CYREN: variants seen among roughly 807,000 people sequenced by gnomAD.
The protein encoded by CYREN is cell cycle regulator of NHEJ.
Under a neutral mutation model 9.7 loss-of-function variants are expected in CYREN, and 7 were observed. The ratio of observed to expected loss-of-function variants is 0.72; its 90% CI spans 0.41 to 1.36. CYREN has a LOEUF of 1.36. CYREN is among the 40% of genes most tolerant of loss of function. CYREN has a pLI of 0.01. For synonymous variants in CYREN, 76 were observed against 77.9 expected (o/e 0.98, Z 0.13); for missense variants, 215 against 198.1 (o/e 1.09, Z -0.51).
chr7:135,122,186 C>G (rs1254462271), intron 2 of CYREN, among the ~76,000 whole-genome samples: 1 of 152,234 alleles, frequency 6.6e-6, no homozygotes, highest in African/African-American at 2.4e-5. Context: ...CCAGGCTGTG[C>G]TTTTCCTCTG....
At chr7:135,097,798 G>C (rs750697512) in intron 2 of CYREN, among the ~76,000 whole-genome samples, 1 of 152,068 alleles carries the variant, frequency 6.6e-6, no homozygotes, top group Non-Finnish European at 1.5e-5. Context: ...TGACAAAGAC[G>C]TGTATGGTAA....
upstream of CYREN, among the ~76,000 whole-genome samples, chr7:135,171,326 TA>T (rs5887722): frequency 0.02 from 3,025 of 149,130 alleles, 103 homozygotes; most frequent in African/African-American, 0.069. Context: ...TTTTTTTTTT[TA>T]AAAAAAAAAG....
chr7:135,162,420 G>T (rs1364635136), downstream of CYREN, among the ~76,000 whole-genome samples: 1 of 152,194 alleles, frequency 6.6e-6, no homozygotes, highest in Non-Finnish European at 1.5e-5. Flanking sequence ...GAATGCTGTT[G>T]TATTAGTCCA....
chr7:135,167,516 C>G, intron 3 of CYREN: 4 of 1,416,270 alleles, frequency 2.8e-6, no homozygotes, highest in Non-Finnish European at 3.7e-6. Context: ...CACACGCATG[C>G]CCTCCCAGGC....
chr7:135,130,282 G>A (rs1162970770), intron 2 of CYREN, among the ~76,000 whole-genome samples: 1 of 152,146 alleles, frequency 6.6e-6, no homozygotes, highest in African/African-American at 2.4e-5. Context: ...TTTCAGAATG[G>A]AAATTTATAA....
upstream of CYREN, chr7:135,170,780 T>C (rs935063614): frequency 6.6e-6 from 1 of 152,144 alleles, no homozygotes; most frequent in African/African-American, 2.4e-5. Context: ...CTTCCGGTCT[T>C]GGGGAACTCC....
At chr7:135,155,399 CTT>C (rs1391379726) in intron 2 of CYREN, among the ~76,000 whole-genome samples, 7 of 152,200 alleles carry the variant, frequency 4.6e-5, no homozygotes, top group South Asian at 2.1e-4. Flanking sequence ...TTTATAGACT[CTT>C]TGTCTTTGCC....
intron 2 of CYREN, among the ~76,000 whole-genome samples, chr7:135,142,885 T>G (rs1829479293): frequency 6.6e-6 from 1 of 152,192 alleles, no homozygotes; most frequent in South Asian, 2.1e-4. Flanking sequence ...TGTCAAGATG[T>G]CAGTTCTTTC....
intron 2 of CYREN, among the ~76,000 whole-genome samples, chr7:135,095,325 A>G (rs1822502475): frequency 6.6e-6 from 1 of 152,200 alleles, no homozygotes; most frequent in Non-Finnish European, 1.5e-5. Flanking sequence ...ACTCCAGTAT[A>G]ATAACAGTGG....
chr7:135,133,893 T>C (rs1829126184), intron 2 of CYREN, among the ~76,000 whole-genome samples: 1 of 151,600 alleles, frequency 6.6e-6, no homozygotes, highest in Admixed American at 6.6e-5. Flanking sequence ...GCAATTATAA[T>C]AAGGAATGAA....
intron 3 of CYREN, 53 bp from the exon 4 acceptor site, chr7:135,166,924 A>G (rs1044285378): frequency 1.9e-6 from 3 of 1,585,896 alleles, no homozygotes; most frequent in Non-Finnish European, 2.6e-6. Flanking sequence ...TTTCCCTAAC[A>G]TGCTGATCTG....
At chr7:135,102,559 CAT>C (rs1463489936) in intron 2 of CYREN, among the ~76,000 whole-genome samples, 1 of 151,552 alleles carries the variant, frequency 6.6e-6, no homozygotes, top group Non-Finnish European at 1.5e-5. Context: ...TAGACCATTT[CAT>C]GAAGGCTTAA....
In CYREN at chr7:135,165,848, A is replaced by G. The variant is rs1253734742; in HGVS notation, c.*763T>C. On this transcript the variant is annotated 3_prime_UTR_variant, in exon 4 of 4. Transcript: ENST00000393114. ...TGGAAAACCTGTATGGCAGTGATTTATTCATATATTCCTGTCCAAAGCCAC... is the reference window on the plus strand; with the variant it reads ...TGGAAAACCTGTATGGCAGTGATTTGTTCATATATTCCTGTCCAAAGCCAC... The G allele has an allele frequency of 6.0e-6, 1 of 167,146 alleles. No homozygotes were observed. The highest frequency in any genetic ancestry group is 2.4e-5 in the African/African-American group (1 of 41,464). 10.4% of individuals were successfully genotyped at this position (167,146 alleles called of 1,614,324 possible).
intron 3 of CYREN, chr7:135,167,220 A>G: frequency 8.9e-7 from 1 of 1,119,414 alleles, no homozygotes; most frequent in Non-Finnish European, 1.1e-6. Flanking sequence ...AGCACTAGGA[A>G]AAGTCCCACA....
At chr7:135,128,996 CAA>C in intron 2 of CYREN, 1 of 1,598,350 alleles carries the variant, frequency 6.3e-7, no homozygotes, top group South Asian at 1.1e-5. Context: ...ATGTGTACTG[CAA>C]AGACTGTCTG....
At chr7:135,107,210 T>C (rs1350690689) in intron 2 of CYREN, among the ~76,000 whole-genome samples, 1 of 152,152 alleles carries the variant, frequency 6.6e-6, no homozygotes, top group Admixed American at 6.5e-5. Flanking sequence ...TGTCTCAGTC[T>C]CCTCCACTTC....
intron 2 of CYREN, among the ~76,000 whole-genome samples, chr7:135,113,219 TTATC>T (rs1263021778): frequency 6.6e-6 from 1 of 152,294 alleles, no homozygotes; most frequent in East Asian, 1.9e-4. Flanking sequence ...TGTGCTTTAT[TTATC>T]TTTTTATTTT....
At chr7:135,115,276 T>A in intron 2 of CYREN, 1 of 697,550 alleles carries the variant, frequency 1.4e-6, no homozygotes, top group Non-Finnish European at 2.4e-6. Flanking sequence ...AAGCTTCAGA[T>A]GGGCAAGGAA....
At chr7:135,162,665 C>T (rs192585713), downstream of CYREN, among the ~76,000 whole-genome samples, 160 of 152,292 alleles carry the variant, frequency 1.1e-3, 1 homozygote, top group African/African-American at 3.5e-3. Context: ...GGAAACCCAC[C>T]CCCATGATCC....
Sources: allele counts gnomAD v4.1 joint callset (sites outside exome capture counted in the v4.1 genomes callset), GRCh38; gene constraint gnomAD v4.1.1; transcripts MANE v1.5; gene names NCBI Gene and HGNC (gene_info 2026-07-23, HGNC 2026-07-21).